Variants in DSCAML1 observed in about 807,000 individuals in gnomAD.
The protein encoded by DSCAML1 is DS cell adhesion molecule like 1, also known as cell adhesion molecule DSCAML1.
In DSCAML1, 38 loss-of-function variants were observed where a neutral mutation model predicts 200.5. That is an observed-to-expected ratio of 0.19 (90% CI 0.15 to 0.25). DSCAML1 has a LOEUF of 0.25. Among genes scored for constraint, DSCAML1 ranks in the 10% least tolerant of loss-of-function variants. The pLI is 1.00. For missense variants in DSCAML1, 2,223 were observed against 2,858.8 expected (o/e 0.78, Z 5.07); for synonymous variants, 1,215 against 1,165.0 (o/e 1.04, Z -0.87).
rs189000784 is a variant in DSCAML1 at position 117,662,502 on chromosome 11, C to T, written c.511+114289G>A. On this transcript the variant is annotated intron_variant, in intron 3 of 32. Coordinates refer to ENST00000651296, the MANE Select transcript of DSCAML1 (RefSeq NM_020693.4). Reference sequence around the variant, plus strand: ...CGTGAGTTCACGGATGACCACTCGTCGAGAATGCCAGAGAAAAGGCTCTCT... The same window carrying T: ...CGTGAGTTCACGGATGACCACTCGTTGAGAATGCCAGAGAAAAGGCTCTCT... Among the ~76,000 whole-genome samples the T allele has an allele frequency of 2.0e-3, 311 of 152,326 alleles. 2 individuals are homozygous for T. Among genetic ancestry groups the T allele is most frequent in the African/African-American group, 6.9e-3 (287 of 41,576 alleles).
At chr11:117,726,260 T>C (rs562700629) in intron 3 of DSCAML1, among the ~76,000 whole-genome samples, 1 of 143,690 alleles carries the variant, frequency 7.0e-6, no homozygotes, top group African/African-American at 2.9e-5. Flanking sequence ...TCTGTGTGTG[T>C]GTGTGCGTGT....
At position 117,516,767 on chromosome 11, in the gene DSCAML1, G is replaced by A. The variant is rs1371759690; in HGVS notation, c.1511-28C>T. On this transcript the variant is annotated intron_variant, in intron 7 of 32. Coordinates refer to ENST00000651296, the MANE Select transcript of DSCAML1 (RefSeq NM_020693.4). The surrounding 1 kb of genome is among the most constrained non-coding windows in gnomAD (Gnocchi z 5.7). ...GGGCAGGAGTCAGAAGAGAGGAGGAGGAGGAGAAGGGCATGTGCTGCTGTC... is the reference window on the plus strand; with the variant it reads ...GGGCAGGAGTCAGAAGAGAGGAGGAAGAGGAGAAGGGCATGTGCTGCTGTC... 1.3e-6 allele frequency: 2 copies of A among 1,593,514 alleles called. No homozygotes were observed. The highest frequency in any genetic ancestry group is 1.3e-5 in the African/African-American group (1 of 74,868).
In DSCAML1 at chr11:117,504,520, C is replaced by G. The variant is rs1199642021; in HGVS notation, c.2182+404G>C. Among the ~76,000 whole-genome samples the G allele has an allele frequency of 6.6e-6, 1 of 152,134 alleles. No individual in the cohort carries two copies. The highest frequency in any genetic ancestry group is 1.5e-5 in the Non-Finnish European group (1 of 68,014). ...TTGGGCCTCAGTCAGAAAGCAAAGG[C>G]ATCCCTGGGATGAAATTGGGCTCCA... On this transcript the variant is annotated intron_variant, in intron 10 of 32. Coordinates refer to ENST00000651296, the MANE Select transcript of DSCAML1 (RefSeq NM_020693.4). This position sits in a 1 kb window ranked among gnomAD's most constrained non-coding sequence, Gnocchi z 5.0.
intron 3 of DSCAML1, among the ~76,000 whole-genome samples, chr11:117,756,375 C>T (rs2054693460): frequency 6.6e-6 from 1 of 152,134 alleles, no homozygotes; most frequent in South Asian, 2.1e-4. Context: ...GCTGAGGAAA[C>T]ATTTGGTCAG....
At position 117,512,424 on chromosome 11, in the gene DSCAML1, C is replaced by T. The variant is rs1330520279; in HGVS notation, c.1783+4043G>A. Among the ~76,000 whole-genome samples the T allele has an allele frequency of 2.0e-5, 3 of 152,116 alleles. No homozygotes were observed. In the South Asian group the frequency reaches 6.2e-4, roughly 32 times the overall value. On this transcript the variant is annotated intron_variant, in intron 8 of 32. Coordinates refer to ENST00000651296, the MANE Select transcript of DSCAML1 (RefSeq NM_020693.4). ...AGCTCTGATGGTTCTTCTGCAAAAG[C>T]GCATTCTAATGAGGTGGGAGAGGGA...
chr11:117,609,555 C>T (rs200588770), intron 3 of DSCAML1, among the ~76,000 whole-genome samples: 3 of 152,132 alleles, frequency 2.0e-5, no homozygotes, highest in East Asian at 1.9e-4. Flanking sequence ...AATCCTCTTG[C>T]GTCGGCCTCC....
intron 3 of DSCAML1, among the ~76,000 whole-genome samples, chr11:117,701,038 T>A (rs900069263): frequency 3.9e-5 from 6 of 152,078 alleles, no homozygotes; most frequent in African/African-American, 1.4e-4. Context: ...GGCTGAGGCG[T>A]GTGGATCACC....
intron 1 of DSCAML1, among the ~76,000 whole-genome samples, chr11:117,791,799 A>C (rs922302338): frequency 6.6e-6 from 1 of 152,228 alleles, no homozygotes. Flanking sequence ...GGATCTGATG[A>C]TGCATTCTGG....
At position 117,592,147 on chromosome 11, in the gene DSCAML1, G is replaced by T. The variant is rs559979557; in HGVS notation, c.512-59625C>A. Among the ~76,000 whole-genome samples, 7 of 152,206 alleles carry T rather than the reference G, an allele frequency of 4.6e-5. No homozygotes were observed. In the East Asian group the frequency reaches 1.4e-3, roughly 29 times the overall value. On this transcript the variant is annotated intron_variant, in intron 3 of 32. Transcript: ENST00000651296. Reference sequence around the variant, plus strand: ...GGGCCCTAGGACACTTGTCAATGGGGCCCGCAGTAGTCAGAGTCTGGATTC... The same window carrying T: ...GGGCCCTAGGACACTTGTCAATGGGTCCCGCAGTAGTCAGAGTCTGGATTC...
chr11:117,791,184 C>T (rs933353434), intron 1 of DSCAML1, among the ~76,000 whole-genome samples: 1 of 152,212 alleles, frequency 6.6e-6, no homozygotes, highest in Non-Finnish European at 1.5e-5. Context: ...TAGGATCCCA[C>T]AGGCCATGGC....
At chr11:117,454,531 A>G (rs918729372) in intron 19 of DSCAML1, among the ~76,000 whole-genome samples, 5 of 152,146 alleles carry the variant, frequency 3.3e-5, no homozygotes, top group African/African-American at 1.2e-4. Flanking sequence ...GAAGTTTTCA[A>G]TCTGGTCAAG....
At chr11:117,810,018 C>T (rs563751361) in intron 1 of DSCAML1, among the ~76,000 whole-genome samples, 10 of 151,952 alleles carry the variant, frequency 6.6e-5, no homozygotes, top group African/African-American at 2.4e-4. Flanking sequence ...CACACTCACA[C>T]ATATTCAAAT....
intron 3 of DSCAML1, among the ~76,000 whole-genome samples, chr11:117,536,023 C>G (rs75941699): frequency 6.6e-6 from 1 of 152,098 alleles, no homozygotes; most frequent in Non-Finnish European, 1.5e-5. Context: ...CTCCCTCCCC[C>G]CCTTCTTGTG....
At position 117,689,355 on chromosome 11, in the gene DSCAML1, G is replaced by A. The variant is rs141563059; in HGVS notation, c.511+87436C>T. ...CCCGAGAGCTGGTCAGGTCAGAAATGCAAAATTTCAGGCCCTGCCCTGAGA... is the reference window on the plus strand; with the variant it reads ...CCCGAGAGCTGGTCAGGTCAGAAATACAAAATTTCAGGCCCTGCCCTGAGA... On this transcript the variant is annotated intron_variant, in intron 3 of 32. Coordinates refer to ENST00000651296, the MANE Select transcript of DSCAML1 (RefSeq NM_020693.4). Among the ~76,000 whole-genome samples the A allele has an allele frequency of 3.1e-3, 466 of 152,336 alleles. 2 individuals are homozygous for A. The highest frequency in any genetic ancestry group is 9.4e-3 in the African/African-American group (391 of 41,570).
chr11:117,557,484 C>T (rs2050579897), intron 3 of DSCAML1, among the ~76,000 whole-genome samples: 1 of 152,174 alleles, frequency 6.6e-6, no homozygotes, highest in African/African-American at 2.4e-5. Context: ...CCGCAGCTTC[C>T]CAGGAGTCCC....
At chr11:117,609,528 A>G (rs867039782) in intron 3 of DSCAML1, among the ~76,000 whole-genome samples, 3 of 152,030 alleles carry the variant, frequency 2.0e-5, no homozygotes, top group Non-Finnish European at 2.9e-5. Flanking sequence ...GCTGGTCTCA[A>G]GCTCCTGGGC....
chr11:117,443,910 C>A lies in DSCAML1; in HGVS notation c.3838G>T (p.Val1280Leu). Residue 1280 changes from valine to leucine, a missense_variant, in exon 21 of 33, where the codon GTG becomes TTG. Around this residue, in one of 7 missense-constraint regions of DSCAML1, gnomAD observed 614 missense variants for 739.1 expected, o/e 0.83. Transcript: ENST00000651296. The part of the protein sequence containing the change: ...SAGRGNSSEK[V>L]TIEPAGKAPA... The stretch of plus-strand genomic sequence containing the variant: ...CCCTTGCCAGCAGGCTCGATGGTCA[C>A]CTTCTCGCTGCTGTTGCCCCGGCCG... The A allele has an allele frequency of 6.2e-7, 1 of 1,610,256 alleles. No homozygotes were observed. The highest frequency in any genetic ancestry group is 8.5e-7 in the Non-Finnish European group (1 of 1,178,566).
At chr11:117,734,690 G>A (rs565327056) in intron 3 of DSCAML1, among the ~76,000 whole-genome samples, 1 of 152,320 alleles carries the variant, frequency 6.6e-6, no homozygotes, top group South Asian at 2.1e-4. Context: ...TCCAGAGGGG[G>A]CAGGGACTAT....
intron 1 of DSCAML1, among the ~76,000 whole-genome samples, chr11:117,796,199 C>T (rs1464364459): frequency 2.0e-5 from 3 of 152,232 alleles, no homozygotes; most frequent in African/African-American, 4.8e-5. Flanking sequence ...GCGCCCCAGC[C>T]GCAGGTCTGG....
Sources: gnomAD v4.1 joint callset for allele counts (sites outside exome capture counted in the v4.1 genomes callset) on GRCh38, gnomAD v4.1.1 for gene constraint, gnomAD v4.1.1 regional missense constraint, Gnocchi (gnomAD v3.1) non-coding constraint, MANE v1.5 for transcripts, NCBI Gene and HGNC (gene_info 2026-07-23, HGNC 2026-07-21) for gene names.